The following EDIL3 variants were observed in gnomAD, a reference collection of about 807,000 sequenced individuals.
EDIL3 encodes the protein EGF like and discoidin domains 3.
Under a neutral mutation model 67.4 loss-of-function variants are expected in EDIL3, and 37 were observed. The observed-to-expected ratio is 0.55, with a 90% CI of 0.42 to 0.72. The LOEUF (loss-of-function observed/expected upper bound fraction) is 0.72, where lower values mean the gene tolerates loss of function less well. Among genes scored for constraint, EDIL3 ranks in the 30% least tolerant of loss-of-function variants. The pLI is 0.00. For missense variants in EDIL3, 527 were observed against 586.3 expected (o/e 0.90, Z 1.04); for synonymous variants, 195 against 196.3 (o/e 0.99, Z 0.05).
chr5:84,024,917 C>T (rs1045436018), intron 9 of EDIL3, among the ~76,000 whole-genome samples: 1 of 151,764 alleles, frequency 6.6e-6, no homozygotes, highest in Non-Finnish European at 1.5e-5. Flanking sequence ...AACATGACAA[C>T]GCTCAACCTT....
intron 8 of EDIL3, among the ~76,000 whole-genome samples, chr5:84,061,060 G>A (rs1449678326): frequency 2.0e-5 from 3 of 152,182 alleles, no homozygotes; most frequent in African/African-American, 7.2e-5. Flanking sequence ...CTGTAAGAGA[G>A]GAATCTAGTA....
At chr5:84,138,106 A>G (rs532815864) in intron 4 of EDIL3, among the ~76,000 whole-genome samples, 1 of 152,340 alleles carries the variant, frequency 6.6e-6, no homozygotes, top group Admixed American at 6.5e-5. Flanking sequence ...TCAATCAATC[A>G]CAGATATTCA....
chr5:83,943,328 A>C lies in EDIL3; in HGVS notation c.*91T>G. 3 of 1,508,698 alleles carry C rather than the reference A, an allele frequency of 2.0e-6. No individual in the cohort carries two copies. The highest frequency in any genetic ancestry group is 2.4e-5 in the East Asian group (1 of 42,378). 93.5% of individuals were successfully genotyped at this position (1,508,698 alleles called of 1,614,324 possible). On this transcript the variant is annotated 3_prime_UTR_variant, in exon 11 of 11. Transcript: ENST00000296591. ...ACTTTTTCATGAAAAAAAAAAAAAA[A>C]CCATTCAGTTTCCTACAGATTTTGC...
intron 1 of EDIL3, among the ~76,000 whole-genome samples, chr5:84,261,109 G>A (rs964413226): frequency 6.6e-6 from 1 of 152,124 alleles, no homozygotes; most frequent in Non-Finnish European, 1.5e-5. Context: ...GCCTTCTATT[G>A]TAGAAGCGAG....
chr5:84,181,889 G>A (rs1237078976), intron 3 of EDIL3, among the ~76,000 whole-genome samples: 1 of 152,136 alleles, frequency 6.6e-6, no homozygotes, highest in Non-Finnish European at 1.5e-5. Context: ...AAGTTAAGAT[G>A]TACATATTAG....
At chr5:84,351,692 G>A (rs976433689) in intron 1 of EDIL3, among the ~76,000 whole-genome samples, 2 of 152,052 alleles carry the variant, frequency 1.3e-5, no homozygotes, top group East Asian at 3.9e-4. Flanking sequence ...GTGAGTGTTG[G>A]ATTTGAACTA....
At chr5:84,335,611 G>A (rs1047885312) in intron 1 of EDIL3, among the ~76,000 whole-genome samples, 5 of 152,022 alleles carry the variant, frequency 3.3e-5, no homozygotes, top group Non-Finnish European at 7.4e-5. Context: ...CTAACTCAAA[G>A]TATGAATAAG....
intron 9 of EDIL3, among the ~76,000 whole-genome samples, chr5:84,052,433 T>C (rs953282287): frequency 4.8e-5 from 7 of 144,888 alleles, no homozygotes; most frequent in Admixed American, 7.0e-5. Flanking sequence ...AACATCATAA[T>C]GACAGGATCA....
chr5:84,354,950 G>A (rs1195027050), intron 1 of EDIL3, among the ~76,000 whole-genome samples: 7 of 152,002 alleles, frequency 4.6e-5, no homozygotes, highest in Admixed American at 2.0e-4. Context: ...TGAATCTGAC[G>A]ATTATGCGTC....
intron 1 of EDIL3, among the ~76,000 whole-genome samples, chr5:84,299,356 A>T (rs1027363283): frequency 6.6e-6 from 1 of 152,184 alleles, no homozygotes; most frequent in Admixed American, 6.5e-5. Context: ...TATTTTCTTT[A>T]AGCAACATGC....
At chr5:84,312,680 T>A (rs1336681715) in intron 1 of EDIL3, among the ~76,000 whole-genome samples, 1 of 146,210 alleles carries the variant, frequency 6.8e-6, no homozygotes, top group Non-Finnish European at 1.5e-5. Context: ...CAAGTAGGGG[T>A]GGCCAGGCAG....
At chr5:83,990,889 A>G (rs1472194888) in intron 9 of EDIL3, among the ~76,000 whole-genome samples, 1 of 146,212 alleles carries the variant, frequency 6.8e-6, no homozygotes. Flanking sequence ...CAATAAATAA[A>G]TAAATAAATA....
At chr5:83,947,698 C>T (rs1744338979) in intron 10 of EDIL3, among the ~76,000 whole-genome samples, 1 of 151,792 alleles carries the variant, frequency 6.6e-6, no homozygotes, top group South Asian at 2.1e-4. Flanking sequence ...TGTATTTAGA[C>T]AGTTTGAAAG....
intron 4 of EDIL3, among the ~76,000 whole-genome samples, chr5:84,168,852 T>C (rs1370478295): frequency 1.3e-5 from 2 of 152,170 alleles, no homozygotes; most frequent in African/African-American, 2.4e-5. Flanking sequence ...GTTCATTTAC[T>C]CCCTTGCTGT....
intron 9 of EDIL3, among the ~76,000 whole-genome samples, chr5:83,990,359 C>A (rs2269278): frequency 6.6e-6 from 1 of 151,450 alleles, no homozygotes; most frequent in African/African-American, 2.4e-5. Context: ...TGGTGGCATG[C>A]GCCTGTAATC....
intron 9 of EDIL3, among the ~76,000 whole-genome samples, chr5:84,010,696 C>T (rs1745501836): frequency 6.6e-6 from 1 of 152,102 alleles, no homozygotes; most frequent in East Asian, 1.9e-4. Context: ...ACACAATCAC[C>T]CTAATTGAAT....
chr5:84,003,709 A>G (rs891142347), intron 9 of EDIL3, among the ~76,000 whole-genome samples: 10 of 152,126 alleles, frequency 6.6e-5, no homozygotes, highest in Non-Finnish European at 7.4e-5. Flanking sequence ...GCTATTGGCC[A>G]CTACAAAATA....
At chr5:83,993,773 C>T (rs1469865378) in intron 9 of EDIL3, among the ~76,000 whole-genome samples, 2 of 152,104 alleles carry the variant, frequency 1.3e-5, no homozygotes, top group Admixed American at 1.3e-4. Context: ...GAGAGCTGAC[C>T]ACTCAGACTG....
intron 2 of EDIL3, among the ~76,000 whole-genome samples, chr5:84,238,669 T>TTTTTTG (rs1744729141): frequency 6.7e-6 from 1 of 148,328 alleles, no homozygotes; most frequent in Non-Finnish European, 1.5e-5. Flanking sequence ...TTAAATGTTT[T>TTTTTTG]TTTTTTTTTT....
Sources: gnomAD v4.1 joint callset for allele counts (sites outside exome capture counted in the v4.1 genomes callset) on GRCh38, gnomAD v4.1.1 for gene constraint, MANE v1.5 for transcripts, NCBI Gene and HGNC (gene_info 2026-07-23, HGNC 2026-07-21) for gene names.